The following MCPH1 variants were observed in gnomAD, a reference collection of about 807,000 sequenced individuals.
The protein encoded by MCPH1 is microcephalin 1.
In MCPH1, 104 loss-of-function variants were observed where a neutral mutation model predicts 84.5. The ratio of observed to expected loss-of-function variants is 1.23; its 90% CI spans 1.05 to 1.45. MCPH1 has a LOEUF of 1.45. Among genes scored for constraint, MCPH1 ranks in the 40% most tolerant of loss-of-function variants. The pLI is 0.00. For synonymous variants in MCPH1, 514 were observed against 366.8 expected (o/e 1.40, Z -4.58); for missense variants, 1,498 against 1,005.7 (o/e 1.49, Z -6.62).
chr8:6,478,533 G>A (rs1808770906), intron 10 of MCPH1, among the ~76,000 whole-genome samples: 1 of 151,928 alleles, frequency 6.6e-6, no homozygotes, highest in South Asian at 2.1e-4. Flanking sequence ...TTTTCATTTA[G>A]GCCGTCTTCT....
intron 11 of MCPH1, among the ~76,000 whole-genome samples, chr8:6,490,007 C>G (rs1041261314): frequency 5.3e-5 from 8 of 152,156 alleles, no homozygotes; most frequent in African/African-American, 1.9e-4. Flanking sequence ...CACTGTTGGT[C>G]TTTCCTTTTC....
At chr8:6,626,876 C>T (rs1796758726) in intron 13 of MCPH1, 2 of 984,706 alleles carry the variant, frequency 2.0e-6, no homozygotes, top group African/African-American at 1.8e-5. Flanking sequence ...TTCTCATAGG[C>T]GTATTTCCAC....
intron 12 of MCPH1, among the ~76,000 whole-genome samples, chr8:6,565,826 G>T (rs1227697690): frequency 6.6e-6 from 1 of 152,166 alleles, no homozygotes; most frequent in Non-Finnish European, 1.5e-5. Context: ...TGATGCTTCC[G>T]GGTGCACAAT....
At chr8:6,566,209 C>T (rs1044872593) in intron 12 of MCPH1, among the ~76,000 whole-genome samples, 11 of 152,208 alleles carry the variant, frequency 7.2e-5, no homozygotes, top group African/African-American at 2.7e-4. Context: ...AGTTTAAAAA[C>T]CATTCTTAGC....
At chr8:6,410,796 C>G (rs780810598) in intron 2 of MCPH1, among the ~76,000 whole-genome samples, 2 of 152,096 alleles carry the variant, frequency 1.3e-5, no homozygotes, top group African/African-American at 2.4e-5. Context: ...ACATGATCTG[C>G]ACAAGCATAG....
intron 11 of MCPH1, among the ~76,000 whole-genome samples, chr8:6,497,315 C>G (rs1282458367): frequency 1.5e-5 from 2 of 132,320 alleles, no homozygotes; most frequent in Non-Finnish European, 3.3e-5. Context: ...ACCCCATTCT[C>G]TACCAAAAAA....
At chr8:6,508,408 C>G in intron 12 of MCPH1, 1 of 156,902 alleles carries the variant, frequency 6.4e-6, no homozygotes, top group Admixed American at 6.5e-5. Context: ...CGATCACACT[C>G]CCTTCTGGAC....
chr8:6,606,187 G>C (rs1829759472), intron 12 of MCPH1, among the ~76,000 whole-genome samples: 1 of 152,150 alleles, frequency 6.6e-6, no homozygotes, highest in Non-Finnish European at 1.5e-5. Context: ...TTCATACTTT[G>C]AAGAATATGC....
chr8:6,612,479 T>TGGCGAGTCCACATCCTCCCCGACCC, intron 12 of MCPH1, among the ~76,000 whole-genome samples: 1 of 152,200 alleles, frequency 6.6e-6, no homozygotes, highest in South Asian at 2.1e-4. Context: ...CTCTGCGACC[T>TGGCGAGTCCACATCCTCCCCGACCC]GGCTAGTCCA....
At chr8:6,477,758 A>G in intron 10 of MCPH1, 127 bp downstream of exon 10, 1 of 776,270 alleles carries the variant, frequency 1.3e-6, no homozygotes, top group Admixed American at 2.0e-5. Flanking sequence ...TAAAATTAAT[A>G]TCTGAGTTAG....
intron 3 of MCPH1, among the ~76,000 whole-genome samples, chr8:6,429,465 AG>A: frequency 6.6e-6 from 1 of 150,460 alleles, no homozygotes; most frequent in African/African-American, 2.4e-5. Context: ...AGGGGTTCTG[AG>A]CTCCAGGTTC....
intron 12 of MCPH1, among the ~76,000 whole-genome samples, chr8:6,605,856 C>T (rs552008951): frequency 3.9e-5 from 6 of 152,138 alleles, no homozygotes; most frequent in Non-Finnish European, 7.4e-5. Context: ...TGCCACCATG[C>T]CCAACTAATT....
chr8:6,461,106 T>C (rs919810516), intron 9 of MCPH1, among the ~76,000 whole-genome samples: 1 of 152,082 alleles, frequency 6.6e-6, no homozygotes, highest in African/African-American at 2.4e-5. Flanking sequence ...AAAGACACAC[T>C]AAACACCTGA....
intron 12 of MCPH1, among the ~76,000 whole-genome samples, chr8:6,582,761 T>C: frequency 6.6e-6 from 1 of 152,194 alleles, no homozygotes; most frequent in East Asian, 1.9e-4. Flanking sequence ...TTTATTTCTC[T>C]ACTGTTTCGC....
chr8:6,583,900 T>G (rs1827777001), intron 12 of MCPH1, among the ~76,000 whole-genome samples: 1 of 148,778 alleles, frequency 6.7e-6, no homozygotes, highest in Non-Finnish European at 1.5e-5. Flanking sequence ...GTACCTACCT[T>G]CTGTTCTAAA....
chr8:6,631,302 G>C (rs570557591), intron 13 of MCPH1, among the ~76,000 whole-genome samples: 73 of 152,132 alleles, frequency 4.8e-4, no homozygotes, highest in African/African-American at 1.7e-3. Flanking sequence ...GCCACAGAGA[G>C]GCAATTAAGG....
intron 12 of MCPH1, among the ~76,000 whole-genome samples, chr8:6,554,993 C>T (rs572313073): frequency 1.1e-3 from 160 of 152,238 alleles, no homozygotes; most frequent in African/African-American, 3.8e-3. Context: ...CACACCTGAC[C>T]TAGAGTCCAG....
intron 8 of MCPH1, chr8:6,446,031 A>G (rs1045029118): frequency 5.4e-5 from 53 of 979,534 alleles, no homozygotes; most frequent in East Asian, 4.5e-4. Context: ...TCTGTTGTCA[A>G]TATTGATTTT....
rs549208748 is a variant in MCPH1 at position 6,426,834 on chromosome 8, T to C, written c.234-4665T>C. Among the ~76,000 whole-genome samples the C allele has an allele frequency of 2.0e-5, 3 of 152,364 alleles. No individual in the cohort carries two copies. The South Asian group carries it at 6.2e-4, about 32-fold the overall frequency. On this transcript the variant is annotated intron_variant, in intron 3 of 13. Transcript: ENST00000344683. The stretch of plus-strand genomic sequence containing the variant: ...GTAGTGGTATTTCATGGTTTTTTTT[T>C]TCCCAACATTGTTTTAAGATCTAAT...
Sources: allele counts gnomAD v4.1 joint callset (sites outside exome capture counted in the v4.1 genomes callset), GRCh38; gene constraint gnomAD v4.1.1; transcripts MANE v1.5; gene names NCBI Gene and HGNC (gene_info 2026-07-23, HGNC 2026-07-21).